The following SLC23A2 variants were observed in gnomAD, a reference collection of about 807,000 sequenced individuals.
The protein encoded by SLC23A2 is solute carrier family 23 member 2, also known as Na(+)/L-ascorbic acid transporter 2.
A neutral mutation model predicts 73.3 loss-of-function variants in SLC23A2; 36 were observed. The observed-to-expected ratio is 0.49, with a 90% CI of 0.38 to 0.65. SLC23A2 has a LOEUF of 0.65. Among genes scored for constraint, SLC23A2 ranks in the 30% least tolerant of loss-of-function variants. The probability of loss-of-function intolerance (pLI) is 0.00; values close to 1 mark genes in which losing one functional copy is unlikely to be tolerated. For synonymous variants in SLC23A2, 343 were observed against 327.3 expected (o/e 1.05, Z -0.52); for missense variants, 507 against 841.6 (o/e 0.60, Z 4.92).
At chr20:4,946,259 T>C (rs995734460) in intron 2 of SLC23A2, among the ~76,000 whole-genome samples, 16 of 152,092 alleles carry the variant, frequency 1.1e-4, no homozygotes, top group African/African-American at 3.6e-4. Flanking sequence ...CCAGGAGTAA[T>C]GATCCCTTAG....
intron 2 of SLC23A2, among the ~76,000 whole-genome samples, chr20:4,948,655 C>T (rs1013918189): frequency 1.4e-4 from 21 of 152,228 alleles, no homozygotes; most frequent in African/African-American, 5.1e-4. Flanking sequence ...CAAAGCTTTT[C>T]CCTGATCTTC....
intron 13 of SLC23A2, among the ~76,000 whole-genome samples, chr20:4,866,205 A>G (rs1930191130): frequency 6.6e-6 from 1 of 152,218 alleles, no homozygotes; most frequent in African/African-American, 2.4e-5. Context: ...TGCTCTGTAA[A>G]TCGTTGTCAG....
chr20:4,909,990 A>G lies in SLC23A2; in HGVS notation c.207+2890T>C, dbSNP rs1932085378. 1.3e-5 allele frequency among the ~76,000 whole-genome samples: 2 copies of G among 152,262 alleles called. 1 individual carries two copies. Among genetic ancestry groups the G allele is most frequent in the South Asian group, 4.1e-4 (2 of 4,836 alleles). On this transcript the variant is annotated intron_variant, in intron 4 of 16. Transcript: ENST00000338244. ...CGGGCAGCAAAAGGCCCAGTGGCAC[A>G]CAGGGCAGCACATCCAGTGCAGGCT...
chr20:5,007,524 C>T (rs1180804819), intron 1 of SLC23A2, among the ~76,000 whole-genome samples: 3 of 152,188 alleles, frequency 2.0e-5, no homozygotes, highest in African/African-American at 7.2e-5. Context: ...GAGCAAGACT[C>T]AGTGTCAAAA....
In SLC23A2 at chr20:4,885,861, T is replaced by A; in HGVS notation, c.531A>T (p.Arg177=). Reference sequence around the variant, plus strand: ...TCCATTTATCTAAAGACAGGATGGCTCGAGCAGGGGCCAAAAATGCAAAAG... The same window carrying A: ...TCCATTTATCTAAAGACAGGATGGCACGAGCAGGGGCCAAAAATGCAAAAG... ...ASAFAFLAPA[R]AILSLDKWKC... Residue 177 remains arginine, a synonymous_variant, in exon 7 of 17, where the codon CGA becomes CGT. Coordinates refer to ENST00000338244, the MANE Select transcript of SLC23A2 (RefSeq NM_005116.6). 6.2e-7 allele frequency: 1 copy of A among 1,613,924 alleles called. No homozygotes were observed. Among genetic ancestry groups the A allele is most frequent in the Non-Finnish European group, 8.5e-7 (1 of 1,179,896 alleles).
intron 3 of SLC23A2, among the ~76,000 whole-genome samples, chr20:4,919,446 A>T (rs1336917722): frequency 1.3e-5 from 2 of 152,190 alleles, no homozygotes; most frequent in Non-Finnish European, 2.9e-5. Flanking sequence ...CCTGTCCCCC[A>T]GTAGGGCGAC....
chr20:5,002,874 C>G (rs1445432582), upstream of SLC23A2, among the ~76,000 whole-genome samples: 1 of 152,132 alleles, frequency 6.6e-6, no homozygotes, highest in Non-Finnish European at 1.5e-5. Flanking sequence ...ATGACAGGAC[C>G]ACACCACCAG....
intron 2 of SLC23A2, among the ~76,000 whole-genome samples, chr20:4,953,009 C>T (rs2087226396): frequency 7.6e-6 from 1 of 131,854 alleles, no homozygotes; most frequent in African/African-American, 2.9e-5. Flanking sequence ...GGTGATAGAA[C>T]GAGACTCAAA....
At chr20:4,987,284 A>G (rs760404038) in intron 1 of SLC23A2, among the ~76,000 whole-genome samples, 10 of 152,222 alleles carry the variant, frequency 6.6e-5, no homozygotes, top group Non-Finnish European at 1.3e-4. Flanking sequence ...TCTGAGGGAG[A>G]CAACATTTTC....
rs745319687 is a variant in SLC23A2 at position 4,857,230 on chromosome 20, A to G, written c.1721-26T>C. 7.1e-7 allele frequency: 1 copy of G among 1,404,186 alleles called. No homozygotes were observed. Among genetic ancestry groups the G allele is most frequent in the Admixed American group, 1.9e-5 (1 of 52,342 alleles). 87.0% of individuals were successfully genotyped at this position (1,404,186 alleles called of 1,614,324 possible). A position where few individuals can be genotyped will look rare whatever the true frequency, so the allele number is the denominator to read the frequency against. On this transcript the variant is annotated intron_variant, in intron 16 of 16. Transcript: ENST00000338244. This position sits in a 1 kb window ranked among gnomAD's most constrained non-coding sequence, Gnocchi z 4.0. The stretch of plus-strand genomic sequence containing the variant: ...CTGTCACACATCCCAAGATAGAACA[A>G]AGGAATGCTTCGTTTAGCAGCTCTA...
intron 12 of SLC23A2, chr20:4,869,589 G>A (rs1033224452): frequency 3.8e-4 from 107 of 282,722 alleles, no homozygotes; most frequent in Admixed American, 2.0e-3. Flanking sequence ...CAAGTGCAGT[G>A]CTTGGCATGT....
chr20:4,946,354 T>C (rs1490930166), intron 2 of SLC23A2, among the ~76,000 whole-genome samples: 1 of 152,142 alleles, frequency 6.6e-6, no homozygotes, highest in Admixed American at 6.6e-5. Context: ...GGGCAAACAC[T>C]GTACTAGTTA....
At chr20:4,881,214 C>T (rs947741363) in intron 9 of SLC23A2, among the ~76,000 whole-genome samples, 1 of 152,168 alleles carries the variant, frequency 6.6e-6, no homozygotes, top group Non-Finnish European at 1.5e-5. Flanking sequence ...TTTTCATTTA[C>T]AGATGGAGAT....
At chr20:4,867,009 G>A (rs550353050) in intron 13 of SLC23A2, among the ~76,000 whole-genome samples, 10 of 133,748 alleles carry the variant, frequency 7.5e-5, no homozygotes, top group Non-Finnish European at 1.2e-4. Context: ...TCTACCTTTT[G>A]CCCAGCCCCC....
chr20:4,908,610 T>A (rs917535217), intron 4 of SLC23A2, among the ~76,000 whole-genome samples: 5 of 152,252 alleles, frequency 3.3e-5, no homozygotes, highest in Non-Finnish European at 7.3e-5. Context: ...GTATGACTAA[T>A]AATTTAATTC....
upstream of SLC23A2, among the ~76,000 whole-genome samples, chr20:5,006,388 G>A (rs530252389): frequency 1.3e-5 from 2 of 151,738 alleles, no homozygotes; most frequent in African/African-American, 4.8e-5. Flanking sequence ...GTGAGCCACC[G>A]TGCCCAGTCA....
At position 4,916,903 on chromosome 20, in the gene SLC23A2, G is replaced by A. The variant is rs78114425; in HGVS notation, c.109-3925C>T. ...GTTCTGAGCACATGTGAGGTAGGCG[G>A]GGTTAAGCTATGAATTGCCAGTAGG... On this transcript the variant is annotated intron_variant, in intron 3 of 16. Transcript: ENST00000338244. Among the ~76,000 whole-genome samples the A allele has an allele frequency of 9.9e-3, 1,509 of 152,276 alleles. 15 individuals are homozygous for A. Among genetic ancestry groups the A allele is most frequent in the Non-Finnish European group, 0.017 (1,188 of 68,026 alleles).
At chr20:4,992,848 T>C (rs2087950894) in intron 1 of SLC23A2, among the ~76,000 whole-genome samples, 1 of 151,754 alleles carries the variant, frequency 6.6e-6, no homozygotes, top group Non-Finnish European at 1.5e-5. Context: ...GAAAAAAATA[T>C]TTGCAAAGTA....
rs1929616376 is a variant in SLC23A2 at position 4,853,863 on chromosome 20, A to C, written c.*3109T>G. The C allele has an allele frequency of 6.6e-6, 1 of 152,252 alleles. No homozygotes were observed. Among genetic ancestry groups the C allele is most frequent in the Non-Finnish European group, 1.5e-5 (1 of 68,044 alleles). 9.4% of individuals were successfully genotyped at this position (152,252 alleles called of 1,614,324 possible). A position where few individuals can be genotyped will look rare whatever the true frequency, so the allele number is the denominator to read the frequency against. ...TCTTGAGGATTCTGAAAGTAAATGT[A>C]TCTGTGAATCTACATTTAACTTCCT... On this transcript the variant is annotated 3_prime_UTR_variant, in exon 17 of 17. Coordinates refer to ENST00000338244, the MANE Select transcript of SLC23A2 (RefSeq NM_005116.6).
Sources: allele counts gnomAD v4.1 joint callset (sites outside exome capture counted in the v4.1 genomes callset), GRCh38; gene constraint gnomAD v4.1.1; non-coding constraint Gnocchi (gnomAD v3.1); transcripts MANE v1.5; gene names NCBI Gene and HGNC (gene_info 2026-07-23, HGNC 2026-07-21).